Variants in PCDHGB3 observed in about 807,000 individuals in gnomAD.
PCDHGB3 encodes the protein protocadherin gamma subfamily B, 3, also known as protocadherin gamma-B3.
In PCDHGB3, 40 loss-of-function variants were observed where a neutral mutation model predicts 59.2. The ratio of observed to expected loss-of-function variants is 0.68; its 90% confidence interval spans 0.52 to 0.88. The LOEUF is 0.88. Among genes scored for constraint, PCDHGB3 ranks in the 40% least tolerant of loss-of-function variants. PCDHGB3 has a pLI of 0.00. For synonymous variants in PCDHGB3, 581 were observed against 503.6 expected (o/e 1.15, Z -2.06); for missense variants, 1,309 against 1,187.9 (o/e 1.10, Z -1.50).
chr5:141,494,676 C>G, intron 1 of PCDHGB3, 131 bp from the exon 2 acceptor site: 1 of 1,550,918 alleles, frequency 6.4e-7, no homozygotes, highest in African/African-American at 1.4e-5. Context: ...GAGTCCACCC[C>G]TGCCCCCTCT....
chr5:141,465,125 G>A (rs1003967387), intron 1 of PCDHGB3, among the ~76,000 whole-genome samples: 1 of 151,194 alleles, frequency 6.6e-6, no homozygotes, highest in Non-Finnish European at 1.5e-5. Context: ...GCCTAAATTT[G>A]TAAAAAGTTT....
chr5:141,410,820 T>A (rs1032991309), intron 1 of PCDHGB3: 14 of 524,668 alleles, frequency 2.7e-5, no homozygotes, highest in Non-Finnish European at 4.1e-5. Context: ...TAAAATAATG[T>A]CACCAGACTG....
intron 1 of PCDHGB3, chr5:141,382,935 A>C: frequency 6.3e-7 from 1 of 1,589,148 alleles, no homozygotes; most frequent in Non-Finnish European, 8.6e-7. Flanking sequence ...ACTACAGAGG[A>C]TTCTTCCTGC....
chr5:141,397,177 A>G (rs1453004001), intron 1 of PCDHGB3, among the ~76,000 whole-genome samples: 1 of 152,250 alleles, frequency 6.6e-6, no homozygotes, highest in Non-Finnish European at 1.5e-5. Flanking sequence ...CTTAAGAATG[A>G]ATTTATGTAC....
At chr5:141,387,316 A>G (rs1239342995) in intron 1 of PCDHGB3, among the ~76,000 whole-genome samples, 3 of 152,214 alleles carry the variant, frequency 2.0e-5, no homozygotes, top group African/African-American at 7.2e-5. Flanking sequence ...TCTAATGAGT[A>G]AGTATGGAAA....
Position 141,389,991 on chromosome 5 carries a change from G to C in PCDHGB3, c.2415+17182G>C, listed in dbSNP as rs561094692. The C allele has an allele frequency of 4.3e-6, 7 of 1,613,898 alleles. No homozygotes were observed. The Admixed American group carries it at 5.0e-5, about 12-fold the overall frequency. ...GGCCTTGATCTCAGTGCTCTTCCTC[G>C]TGGCCATGATTCTGGCCATTGCCTT... On this transcript the variant is annotated intron_variant, in intron 1 of 3. Transcript: ENST00000576222.
At chr5:141,381,823 C>CTTTT (rs1777506241) in intron 1 of PCDHGB3, among the ~76,000 whole-genome samples, 2 of 101,602 alleles carry the variant, frequency 2.0e-5, no homozygotes, top group Non-Finnish European at 3.9e-5. Context: ...TTTCTTTCTT[C>CTTTT]TTCTTTTTTT....
chr5:141,378,227 A>G (rs1774726852), intron 1 of PCDHGB3: 1 of 152,200 alleles, frequency 6.6e-6, no homozygotes, highest in Non-Finnish European at 1.5e-5. Flanking sequence ...GCCTGATAGT[A>G]TTTAAGAGTG....
chr5:141,492,880 T>C (rs1204475362), intron 1 of PCDHGB3, among the ~76,000 whole-genome samples: 2 of 152,184 alleles, frequency 1.3e-5, no homozygotes, highest in African/African-American at 4.8e-5. Context: ...CCCCCAGAGA[T>C]ACAGGCTTTT....
At chr5:141,443,093 C>T (rs1316602934) in intron 1 of PCDHGB3, among the ~76,000 whole-genome samples, 2 of 151,940 alleles carry the variant, frequency 1.3e-5, no homozygotes, top group African/African-American at 4.8e-5. Flanking sequence ...CAGTCTCCTT[C>T]TCAAGCTGAA....
At chr5:141,384,585 C>G in intron 1 of PCDHGB3, 2 of 1,614,246 alleles carry the variant, frequency 1.2e-6, no homozygotes, top group South Asian at 1.1e-5. Context: ...CGCCCGAGAT[C>G]CTGTACCCGG....
chr5:141,422,873 T>C (rs1474438774), intron 1 of PCDHGB3: 1 of 1,614,158 alleles, frequency 6.2e-7, no homozygotes, highest in Admixed American at 1.7e-5. Flanking sequence ...AACGTGTCGC[T>C]GAGCCTGTTC....
intron 2 of PCDHGB3, among the ~76,000 whole-genome samples, chr5:141,498,710 T>C (rs2099785302): frequency 1.3e-5 from 2 of 152,108 alleles, no homozygotes. Flanking sequence ...GGTGGGTGGA[T>C]CACCTGAGGT....
At chr5:141,399,642 G>C (rs755191053) in intron 1 of PCDHGB3, 3 of 1,613,750 alleles carry the variant, frequency 1.9e-6, no homozygotes, top group Non-Finnish European at 2.5e-6. Flanking sequence ...CCATGAGCGC[G>C]CAAAGTGGGG....
rs1230717990 is a variant in PCDHGB3, at chr5:141,431,707, G to A, written c.2415+58898G>A. The A allele has an allele frequency of 6.2e-7, 1 of 1,614,232 alleles. No homozygotes were observed. Among genetic ancestry groups the A allele is most frequent in the South Asian group, 1.1e-5 (1 of 91,088 alleles). On this transcript the variant is annotated intron_variant, in intron 1 of 3. Coordinates refer to ENST00000576222, the MANE Select transcript of PCDHGB3 (RefSeq NM_018924.5). This position sits in a 1 kb window ranked among gnomAD's most constrained non-coding sequence, Gnocchi z 4.8. ...ACCACGAGGAGTCAGGATTCTACCAGATGGAAGTGCAAGCAATGGATAATG... is the reference window on the plus strand; with the variant it reads ...ACCACGAGGAGTCAGGATTCTACCAAATGGAAGTGCAAGCAATGGATAATG...
intron 1 of PCDHGB3, among the ~76,000 whole-genome samples, chr5:141,402,165 T>A (rs1200714000): frequency 6.6e-6 from 1 of 152,164 alleles, no homozygotes; most frequent in Non-Finnish European, 1.5e-5. Context: ...GGCGAGAACA[T>A]CTGTAACTAT....
chr5:141,475,139 C>T (rs928313061), intron 1 of PCDHGB3, among the ~76,000 whole-genome samples: 2 of 151,928 alleles, frequency 1.3e-5, no homozygotes, highest in African/African-American at 4.8e-5. Flanking sequence ...TTTTTGAAAT[C>T]TTCTCCGTCT....
intron 1 of PCDHGB3, chr5:141,419,027 GTTCCAT>G: frequency 6.2e-7 from 1 of 1,613,870 alleles, no homozygotes; most frequent in Non-Finnish European, 8.5e-7. Context: ...AAGTAGAGGT[GTTCCAT>G]TTAAGATTCA....
chr5:141,388,779 A>C lies in PCDHGB3; in HGVS notation c.2415+15970A>C, dbSNP rs2091486135. The C allele has an allele frequency of 4.3e-6, 7 of 1,613,974 alleles. No individual in the cohort carries two copies. In the East Asian group the frequency reaches 1.6e-4, roughly 36 times the overall value. On this transcript the variant is annotated intron_variant, in intron 1 of 3. Coordinates refer to ENST00000576222, the MANE Select transcript of PCDHGB3 (RefSeq NM_018924.5). ...TGACCTGAACTCTAACACCGGGGAAATTACTGTTTTAAATACATTAGATTT... is the reference window on the plus strand; with the variant it reads ...TGACCTGAACTCTAACACCGGGGAACTTACTGTTTTAAATACATTAGATTT...
Sources: gnomAD v4.1 joint callset for allele counts (sites outside exome capture counted in the v4.1 genomes callset) on GRCh38, gnomAD v4.1.1 for gene constraint, Gnocchi (gnomAD v3.1) non-coding constraint, MANE v1.5 for transcripts, NCBI Gene and HGNC (gene_info 2026-07-23, HGNC 2026-07-21) for gene names.